Variants in PIK3C2G observed in about 807,000 individuals in gnomAD.
PIK3C2G encodes the protein phosphatidylinositol 3-kinase C2 domain-containing subunit gamma.
In PIK3C2G, 168 loss-of-function variants were observed where a neutral mutation model predicts 181.1. The ratio of observed to expected loss-of-function variants is 0.93; its 90% CI spans 0.82 to 1.05. PIK3C2G has a LOEUF of 1.05. Ranked by LOEUF, PIK3C2G falls within the 50% of genes least tolerant of loss-of-function variation. The pLI, the probability that PIK3C2G is intolerant of heterozygous loss-of-function variation, is 0.00. For synonymous variants in PIK3C2G, 573 were observed against 592.2 expected, an observed-to-expected ratio of 0.97 and a Z score of 0.47; for missense variants, 1,869 against 1,732.8, an observed-to-expected ratio of 1.08 and a Z score of -1.40.
chr12:18,712,751 A>C, the PIK3C2G span: 1 of 1,456,730 alleles, frequency 6.9e-7, no homozygotes, highest in African/African-American at 1.4e-5. Flanking sequence ...ATATCATCTA[A>C]AGTAAGGCTA....
intron 18 of PIK3C2G, among the ~76,000 whole-genome samples, chr12:18,462,140 T>C (rs1231764574): frequency 2.6e-5 from 4 of 152,328 alleles, no homozygotes; most frequent in African/African-American, 9.6e-5. Context: ...AGAATTAGAA[T>C]GCAGACATTA....
At chr12:18,338,361 AG>A in intron 8 of PIK3C2G, 64 bp from the exon 9 acceptor site, 1 of 1,226,784 alleles carries the variant, frequency 8.2e-7, no homozygotes, top group Non-Finnish European at 1.1e-6. Context: ...AAGAAGTTTG[AG>A]GATAAATTAA....
At chr12:18,697,565 T>C in the PIK3C2G span, among the ~76,000 whole-genome samples, 10 of 152,272 alleles carry the variant, frequency 6.6e-5, no homozygotes, top group East Asian at 1.9e-3. Flanking sequence ...TGTTTGTTAT[T>C]ACAAATACAG....
At chr12:18,626,827 A>AT (rs953322884) in intron 31 of PIK3C2G, among the ~76,000 whole-genome samples, 5 of 151,654 alleles carry the variant, frequency 3.3e-5, no homozygotes, top group South Asian at 2.1e-4. Context: ...TTTTTCTTTG[A>AT]TTTTTTTAAT....
At chr12:18,432,540 T>A (rs540805342) in intron 18 of PIK3C2G, among the ~76,000 whole-genome samples, 1 of 152,298 alleles carries the variant, frequency 6.6e-6, no homozygotes, top group South Asian at 2.1e-4. Context: ...TTGGGTTAAG[T>A]CCCTGAAAAG....
intron 2 of PIK3C2G, among the ~76,000 whole-genome samples, chr12:18,283,651 G>A (rs914069935): frequency 1.3e-5 from 2 of 152,134 alleles, no homozygotes; most frequent in Non-Finnish European, 2.9e-5. Flanking sequence ...GGTGGAGTAA[G>A]TGCATAGGAA....
chr12:18,436,229 G>A (rs1470652158), intron 18 of PIK3C2G, among the ~76,000 whole-genome samples: 1 of 151,976 alleles, frequency 6.6e-6, no homozygotes, highest in African/African-American at 2.4e-5. Flanking sequence ...ATTCCATGCA[G>A]CAAGAGTAAA....
chr12:18,431,422 C>T (rs1321410662), intron 18 of PIK3C2G, among the ~76,000 whole-genome samples: 1 of 152,148 alleles, frequency 6.6e-6, no homozygotes, highest in Non-Finnish European at 1.5e-5. Context: ...CAAATTTTGT[C>T]CACTTTACAG....
At chr12:18,641,743 C>CTAATTTTTTTTTTT (rs1949850470) in intron 32 of PIK3C2G, among the ~76,000 whole-genome samples, 1 of 93,164 alleles carries the variant, frequency 1.1e-5, no homozygotes, top group African/African-American at 4.9e-5. Context: ...CTCTCTCAAG[C>CTAATTTTTTTTTTT]TTTTTTTTTT....
intron 31 of PIK3C2G, among the ~76,000 whole-genome samples, chr12:18,625,759 T>G (rs1949069451): frequency 1.3e-5 from 2 of 151,994 alleles, no homozygotes; most frequent in East Asian, 3.9e-4. Context: ...ATTGACCCCT[T>G]TACCATTATA....
At chr12:18,486,980 C>T (rs2136044864) in intron 18 of PIK3C2G, among the ~76,000 whole-genome samples, 1 of 152,212 alleles carries the variant, frequency 6.6e-6, no homozygotes, top group Non-Finnish European at 1.5e-5. Flanking sequence ...ATTTCAAAAT[C>T]TCATCATAGG....
At chr12:18,366,044 T>G (rs192183826) in intron 12 of PIK3C2G, among the ~76,000 whole-genome samples, 6 of 152,258 alleles carry the variant, frequency 3.9e-5, no homozygotes, top group Non-Finnish European at 8.8e-5. Flanking sequence ...TTTATAATGG[T>G]CTCCCTACTT....
chr12:18,535,087 A>T (rs533915860), intron 24 of PIK3C2G, among the ~76,000 whole-genome samples: 1 of 152,226 alleles, frequency 6.6e-6, no homozygotes, highest in South Asian at 2.1e-4. Context: ...GTAATGCTTA[A>T]ATTTCAGAGA....
At chr12:18,247,351 TG>T (rs1459212894), upstream of PIK3C2G, among the ~76,000 whole-genome samples, 3 of 152,216 alleles carry the variant, frequency 2.0e-5, no homozygotes, top group African/African-American at 7.2e-5. Flanking sequence ...CTACGTTATC[TG>T]GGGTATGTGC....
At position 18,547,453 on chromosome 12, in the gene PIK3C2G, A is replaced by G. The variant is rs186457586; in HGVS notation, c.3590+1021A>G. ...AGAATCACAAAATATTACAGCTGGA[A>G]GAGCCTTTATAGTTTATTTATTCTG... On this transcript the variant is annotated intron_variant, in intron 26 of 32. Transcript: ENST00000538779. Among the ~76,000 whole-genome samples the G allele has an allele frequency of 4.2e-3, 644 of 152,114 alleles. 6 individuals carry two copies. Among genetic ancestry groups the G allele is most frequent in the South Asian group, 0.036 (172 of 4,824 alleles).
At chr12:18,506,152 A>G (rs1275626896) in intron 24 of PIK3C2G, among the ~76,000 whole-genome samples, 3 of 152,176 alleles carry the variant, frequency 2.0e-5, no homozygotes, top group African/African-American at 7.2e-5. Flanking sequence ...GAGATCCATG[A>G]GAAGAGAATT....
chr12:18,587,014 A>G (rs1946816806), intron 29 of PIK3C2G, among the ~76,000 whole-genome samples: 1 of 152,230 alleles, frequency 6.6e-6, no homozygotes, highest in Admixed American at 6.5e-5. Context: ...ACATCCCTTC[A>G]TTTAAAAAAA....
intron 18 of PIK3C2G, among the ~76,000 whole-genome samples, chr12:18,452,495 A>G (rs1947416580): frequency 6.9e-6 from 1 of 144,510 alleles, no homozygotes; most frequent in Non-Finnish European, 1.5e-5. Context: ...TTTTTTATTA[A>G]TCTTTTTTTA....
intron 22 of PIK3C2G, among the ~76,000 whole-genome samples, chr12:18,498,551 T>A (rs533971909): frequency 6.6e-6 from 1 of 150,380 alleles, no homozygotes; most frequent in East Asian, 2.0e-4. Context: ...GGAGAGGGGA[T>A]CTAGACCATG....
Sources: gnomAD v4.1 joint callset for allele counts (sites outside exome capture counted in the v4.1 genomes callset) on GRCh38, gnomAD v4.1.1 for gene constraint, MANE v1.5 for transcripts, NCBI Gene and HGNC (gene_info 2026-07-23, HGNC 2026-07-21) for gene names.